TFEC: variants seen among roughly 807,000 people sequenced by gnomAD.
TFEC encodes class E basic helix-loop-helix protein 34.
A neutral mutation model predicts 41.6 loss-of-function variants in TFEC; 31 were observed. That is an observed-to-expected ratio of 0.74 (90% CI 0.56 to 1.01). The LOEUF (loss-of-function observed/expected upper bound fraction) is 1.01. Among genes scored for constraint, TFEC ranks in the 50% least tolerant of loss-of-function variants. The pLI is 0.00. For missense variants in TFEC, 402 were observed against 404.1 expected (o/e 0.99, Z 0.04); for synonymous variants, 143 against 140.6 (o/e 1.02, Z -0.12).
chr7:116,111,817 G>T (rs369242366), intron 2 of TFEC, among the ~76,000 whole-genome samples: 3 of 152,040 alleles, frequency 2.0e-5, no homozygotes, highest in South Asian at 4.2e-4. Flanking sequence ...CAACCCCCAA[G>T]GAATTTAGAA....
intron 3 of TFEC, among the ~76,000 whole-genome samples, chr7:116,066,436 G>A (rs998782367): frequency 1.3e-5 from 2 of 152,000 alleles, no homozygotes; most frequent in Non-Finnish European, 2.9e-5. Context: ...GTAATTATGG[G>A]TTAGTGGAGA....
At chr7:115,988,928 G>A (rs1584646726) in intron 1 of TFEC, among the ~76,000 whole-genome samples, 1 of 152,096 alleles carries the variant, frequency 6.6e-6, no homozygotes, top group African/African-American at 2.4e-5. Context: ...TACAAACCAT[G>A]CAAGCAAGAA....
At chr7:116,132,388 T>C (rs1342001901) in intron 1 of TFEC, among the ~76,000 whole-genome samples, 1 of 152,238 alleles carries the variant, frequency 6.6e-6, no homozygotes, top group African/African-American at 2.4e-5. Context: ...AGGTCTACAG[T>C]GAATTTTTTT....
chr7:115,988,581 G>C (rs1793962711), intron 1 of TFEC, among the ~76,000 whole-genome samples: 1 of 151,884 alleles, frequency 6.6e-6, no homozygotes. Flanking sequence ...AAGAACTGTG[G>C]GACAATGACA....
chr7:116,036,823 A>G (rs1524472), intron 3 of TFEC, among the ~76,000 whole-genome samples: 91,467 of 151,882 alleles, frequency 0.6, 27,892 homozygotes, highest in East Asian at 0.75. Context: ...GGAATAAAAG[A>G]ATTGTTTTCC....
chr7:115,947,940 T>G (rs1276170801), intron 6 of TFEC, among the ~76,000 whole-genome samples: 2 of 151,952 alleles, frequency 1.3e-5, no homozygotes. Flanking sequence ...ACAAAATTGA[T>G]AGACCGCTAG....
intron 3 of TFEC, among the ~76,000 whole-genome samples, chr7:116,045,525 A>T (rs984647599): frequency 1.3e-5 from 2 of 152,202 alleles, no homozygotes; most frequent in Non-Finnish European, 2.9e-5. Context: ...GTGTACATAG[A>T]AGTCAGAAAT....
chr7:115,954,204 C>T (rs1317576807), intron 5 of TFEC, among the ~76,000 whole-genome samples: 1 of 152,034 alleles, frequency 6.6e-6, no homozygotes, highest in Non-Finnish European at 1.5e-5. Context: ...CAAATTGACA[C>T]AGAAAAATGA....
chr7:116,087,755 A>ACCCAAG, intron 3 of TFEC, among the ~76,000 whole-genome samples: 1 of 152,072 alleles, frequency 6.6e-6, no homozygotes, highest in Non-Finnish European at 1.5e-5. Flanking sequence ...CCTACTATTA[A>ACCCAAG]TGAAAAAGGA....
chr7:116,022,480 A>G (rs3915085), intron 1 of TFEC, among the ~76,000 whole-genome samples: 13 of 152,216 alleles, frequency 8.5e-5, no homozygotes, highest in African/African-American at 2.9e-4. Flanking sequence ...TTGGAGCCAC[A>G]TATTTCCTTC....
intron 6 of TFEC, among the ~76,000 whole-genome samples, chr7:115,950,441 G>C (rs915067468): frequency 3.3e-5 from 5 of 152,050 alleles, no homozygotes; most frequent in Admixed American, 1.3e-4. Flanking sequence ...GATTCCATTT[G>C]TTACTTGTGT....
At chr7:115,978,678 A>G (rs919246121) in intron 2 of TFEC, among the ~76,000 whole-genome samples, 3 of 152,070 alleles carry the variant, frequency 2.0e-5, no homozygotes, top group African/African-American at 7.2e-5. Flanking sequence ...TGTTATTTTT[A>G]TTCACTCTTT....
At chr7:115,949,401 A>G (rs1299192368) in intron 6 of TFEC, among the ~76,000 whole-genome samples, 3 of 152,170 alleles carry the variant, frequency 2.0e-5, no homozygotes, top group Non-Finnish European at 4.4e-5. Flanking sequence ...AGTCAATCCT[A>G]AGCCAAAAGA....
At chr7:116,006,263 T>C (rs1436279271) in intron 1 of TFEC, among the ~76,000 whole-genome samples, 1 of 152,146 alleles carries the variant, frequency 6.6e-6, no homozygotes, top group African/African-American at 2.4e-5. Flanking sequence ...GCTTGCACCA[T>C]GCACCTGGAA....
At chr7:116,116,195 C>A (rs1262602145) in intron 1 of TFEC, among the ~76,000 whole-genome samples, 1 of 151,442 alleles carries the variant, frequency 6.6e-6, no homozygotes, top group Non-Finnish European at 1.5e-5. Flanking sequence ...GAGACATCGA[C>A]CAAAAAAATG....
chr7:115,960,568 T>A (rs1792488030), intron 3 of TFEC, among the ~76,000 whole-genome samples: 1 of 151,568 alleles, frequency 6.6e-6, no homozygotes. Context: ...TCAGCACAAT[T>A]GGGTTGCTGT....
chr7:116,089,718 A>G (rs568265999), intron 3 of TFEC, among the ~76,000 whole-genome samples: 1 of 152,280 alleles, frequency 6.6e-6, no homozygotes, highest in African/African-American at 2.4e-5. Context: ...TGAGGGTGCA[A>G]AAGACAAAGG....
At position 116,080,976 on chromosome 7, in the gene TFEC, A is replaced by AGTGTATGTATGTGTGT. The variant is rs1424213374; in HGVS notation, c.198+29731_198+29732insACACACATACATACAC. On this transcript the variant is annotated intron_variant, in intron 3 of 8. Transcript: ENST00000484212. ...ATCAACGAGTGGATAAAGAAAATGT[A>AGTGTATGTATGTGTGT]GTGTGTGTGTGTGTGTGTGTGTGTG... is the stretch of plus-strand genomic sequence containing the variant. Among the ~76,000 whole-genome samples the AGTGTATGTATGTGTGT allele has an allele frequency of 3.2e-3, 441 of 138,008 alleles. 2 individuals carry two copies. Among genetic ancestry groups the AGTGTATGTATGTGTGT allele is most frequent in the African/African-American group, 0.012 (427 of 37,002 alleles). 90.5% of individuals were successfully genotyped at this position (138,008 alleles called of 152,430 possible). A position where few individuals can be genotyped will look rare whatever the true frequency, so the allele number is the denominator to read the frequency against.
Position 116,073,748 on chromosome 7 carries a change from A to T in TFEC, c.198+36960T>A, listed in dbSNP as rs76000451. On this transcript the variant is annotated intron_variant, in intron 3 of 8. Transcript: ENST00000484212. ...ATTTCCTATTTCAAAACTTACAACA[A>T]AACTAAAATAATCAGAACAATTTGG... Among the ~76,000 whole-genome samples, 1,295 of 152,154 alleles carry T rather than the reference A, an allele frequency of 8.5e-3. 20 individuals are homozygous for T. Among genetic ancestry groups the T allele is most frequent in the African/African-American group, 0.029 (1,215 of 41,564 alleles).
Sources: allele counts gnomAD v4.1 joint callset (sites outside exome capture counted in the v4.1 genomes callset), GRCh38; gene constraint gnomAD v4.1.1; transcripts MANE v1.5; gene names NCBI Gene and HGNC (gene_info 2026-07-23, HGNC 2026-07-21).